The following GAS1 variants were observed in gnomAD, a reference collection of about 807,000 sequenced individuals.
GAS1 encodes the protein growth arrest-specific protein 1.
In GAS1, 10 loss-of-function variants were observed where a neutral mutation model predicts 21.6. The ratio of observed to expected loss-of-function variants is 0.46; its 90% CI spans 0.29 to 0.79. GAS1 has a LOEUF of 0.79. GAS1 is among the 30% of genes least tolerant of loss of function. GAS1 has a pLI of 0.10. For synonymous variants in GAS1, 332 were observed against 264.0 expected (o/e 1.26, Z -2.50); for missense variants, 567 against 544.3 (o/e 1.04, Z -0.42).
In GAS1 at chr9:86,945,918, C is replaced by A; in HGVS notation, c.862G>T (p.Asp288Tyr). 4.5e-6 allele frequency: 7 copies of A among 1,568,110 alleles called. No homozygotes were observed. Among genetic ancestry groups the A allele is most frequent in the Non-Finnish European group, 6.0e-6 (7 of 1,160,198 alleles). ...AGGEQPLDDDDGVPHPPRPGS... is the reference protein window; with the variant it reads ...AGGEQPLDDDYGVPHPPRPGS... ...GGGCGCGGTGGGTGCGGGACGCCGT[C>A]GTCGTCGTCCAGCGGCTGCTCACCA... Residue 288 changes from aspartate to tyrosine, a missense_variant, in exon 1 of 1, where the codon GAC becomes TAC. Coordinates refer to ENST00000298743, the MANE Select transcript of GAS1 (RefSeq NM_002048.3).
In GAS1 at chr9:86,946,583, T is replaced by C; in HGVS notation, c.197A>G (p.Asn66Ser). The C allele has an allele frequency of 2.1e-6, 3 of 1,439,942 alleles. No homozygotes were observed. The South Asian group carries it at 4.0e-5, about 19-fold the overall frequency. The allele number at this position is 1,439,942 out of a possible 1,614,324, so 89.2% of individuals were successfully genotyped here. The change falls in exon 1 of 1, where the codon AAC becomes AGC. Residue 66 changes from asparagine to serine, a missense_variant. Asn to Ser is a conservative substitution (Grantham distance 46, BLOSUM62 1). Coordinates refer to ENST00000298743, the MANE Select transcript of GAS1 (RefSeq NM_002048.3). The surrounding 1 kb of genome is among the most constrained non-coding windows in gnomAD (Gnocchi z 5.2). ...CGGCGCGCACGCCTCGGCGTACTGG[T>C]TGTAGGCGTAGCTGCACTCCGGCTC... is the stretch of plus-strand genomic sequence containing the variant. Reference protein sequence around the residue: ...QGEPECSYAYNQYAEACAPVL... With the variant: ...QGEPECSYAYSQYAEACAPVL...
chr9:86,945,703 C>T lies in GAS1; in HGVS notation c.*39G>A, dbSNP rs1431668147. On this transcript the variant is annotated 3_prime_UTR_variant, in exon 1 of 1. Transcript: ENST00000298743. ...GGTCGAGGCGAGCACGGGAGTGGGA[C>T]GCGGGCTCTCCCGCAGCCAACGGCG... The T allele has an allele frequency of 6.7e-7, 1 of 1,490,820 alleles. No homozygotes were observed. The allele number at this position is 1,490,820 out of a possible 1,614,324, so 92.3% of individuals were successfully genotyped here.
chr9:86,946,530 C>A lies in GAS1; in HGVS notation c.250G>T (p.Ala84Ser). 7.0e-7 allele frequency: 1 copy of A among 1,419,066 alleles called. No homozygotes were observed. Among genetic ancestry groups the A allele is most frequent in the South Asian group, 1.4e-5 (1 of 69,568 alleles). 87.9% of individuals were successfully genotyped at this position (1,419,066 alleles called of 1,614,324 possible). ...PVLAQHGGGD[A>S]PGAAAAAFPA... ...AAAGCGGCGGCGGCGGCCCCGGGCG[C>A]GTCGCCCCCGCCGTGCTGCGCCAGC... The change falls in exon 1 of 1, where the codon GCG becomes TCG. Residue 84 changes from alanine to serine, a missense_variant. Coordinates refer to ENST00000298743, the MANE Select transcript of GAS1 (RefSeq NM_002048.3). The surrounding 1 kb of genome is among the most constrained non-coding windows in gnomAD (Gnocchi z 5.2).
chr9:86,945,505 G>A lies in GAS1; in HGVS notation c.*237C>T. 2.5e-6 allele frequency: 1 copy of A among 399,412 alleles called. No homozygotes were observed. The allele number at this position is 399,412 out of a possible 1,614,324, so 24.7% of individuals were successfully genotyped here. ...ACGAGTTGGGAGTTTCTGGAGCTTG[G>A]AATTGGGGCGGGGGAGGAGGTCCAA... On this transcript the variant is annotated 3_prime_UTR_variant, in exon 1 of 1. Transcript: ENST00000298743.
rs1160763422 is a variant in GAS1 at position 86,947,167 on chromosome 9, C to G, written c.-388G>C. On this transcript the variant is annotated 5_prime_UTR_variant, in exon 1 of 1. Coordinates refer to ENST00000298743, the MANE Select transcript of GAS1 (RefSeq NM_002048.3). ...CGCGCCTGCAGATCCGTTGTGCGGC[C>G]GGCTGTCCCCGTGCCGGCTGCTCGC... 6.4e-6 allele frequency: 1 copy of G among 155,180 alleles called. No homozygotes were observed. The highest frequency in any genetic ancestry group is 2.4e-5 in the African/African-American group (1 of 41,508). The allele number at this position is 155,180 out of a possible 1,614,324, so 9.6% of individuals were successfully genotyped here. A position where few individuals can be genotyped will look rare whatever the true frequency, so the allele number is the denominator to read the frequency against.
chr9:86,945,566 G>A lies in GAS1; in HGVS notation c.*176C>T, dbSNP rs1825469261. 1.9e-6 allele frequency: 1 copy of A among 523,280 alleles called. No homozygotes were observed. The highest frequency in any genetic ancestry group is 3.8e-5 in the South Asian group (1 of 26,152). 32.4% of individuals were successfully genotyped at this position (523,280 alleles called of 1,614,324 possible). On this transcript the variant is annotated 3_prime_UTR_variant, in exon 1 of 1. Coordinates refer to ENST00000298743, the MANE Select transcript of GAS1 (RefSeq NM_002048.3). ...TCCGGAGAGGAGCTTCAGGGGAAGT[G>A]CCCAGAGTCGTGGCCGGGGAACCGG...
chr9:86,947,355 C>T lies in GAS1; in HGVS notation c.-576G>A, dbSNP rs1431504110. On this transcript the variant is annotated 5_prime_UTR_variant, in exon 1 of 1. Coordinates refer to ENST00000298743, the MANE Select transcript of GAS1 (RefSeq NM_002048.3). Reference sequence around the variant, plus strand: ...TCCCCTCCCCCTCCGCCCGCGGCAACCCCGGCCTCCGCAGAGCTCCGGGGA... The same window carrying T: ...TCCCCTCCCCCTCCGCCCGCGGCAATCCCGGCCTCCGCAGAGCTCCGGGGA... 6.6e-6 allele frequency among the ~76,000 whole-genome samples: 1 copy of T among 151,850 alleles called. No individual in the cohort carries two copies. The highest frequency in any genetic ancestry group is 2.0e-4 in the East Asian group (1 of 5,090).
Position 86,946,659 on chromosome 9 carries a change from C to A in GAS1, c.121G>T (p.Ala41Ser). The change falls in exon 1 of 1, where the codon GCG becomes TCG. Residue 41 changes from alanine (A) to serine (S), a missense_variant. Coordinates refer to ENST00000298743, the MANE Select transcript of GAS1 (RefSeq NM_002048.3). The surrounding 1 kb of genome is among the most constrained non-coding windows in gnomAD (Gnocchi z 5.2). ...LGSAPRGSGLAHGRRLICWQA... is the reference protein window; with the variant it reads ...LGSAPRGSGLSHGRRLICWQA... ...CAGCAGATGAGGCGGCGGCCGTGCG[C>A]CAGCCCCGATCCCCGCGGCGCCGAG... is the stretch of plus-strand genomic sequence containing the variant. 2 of 1,439,902 alleles carry A rather than the reference C, an allele frequency of 1.4e-6. No homozygotes were observed. Among genetic ancestry groups the A allele is most frequent in the Non-Finnish European group, 1.8e-6 (2 of 1,097,664 alleles). The allele number at this position is 1,439,902 out of a possible 1,614,324, so 89.2% of individuals were successfully genotyped here.
At position 86,945,475 on chromosome 9, in the gene GAS1, G is replaced by A. The variant is rs979543096; in HGVS notation, c.*267C>T. ...GAACACTGCAGCTAGCTTTCTGGAC[G>A]GCAGACGAGTTGGGAGTTTCTGGAG... On this transcript the variant is annotated 3_prime_UTR_variant, in exon 1 of 1. Transcript: ENST00000298743. 3.4e-5 allele frequency: 12 copies of A among 356,952 alleles called. No individual in the cohort carries two copies. The highest frequency in any genetic ancestry group is 5.5e-5 in the Non-Finnish European group (11 of 200,140). The allele number at this position is 356,952 out of a possible 1,614,324, so 22.1% of individuals were successfully genotyped here.
chr9:86,945,829 G>A lies in GAS1; in HGVS notation c.951C>T (p.Ser317=). 6.6e-7 allele frequency: 1 copy of A among 1,513,206 alleles called. No homozygotes were observed. Among genetic ancestry groups the A allele is most frequent in the Non-Finnish European group, 8.8e-7 (1 of 1,132,574 alleles). The allele number at this position is 1,513,206 out of a possible 1,614,324, so 93.7% of individuals were successfully genotyped here. The change falls in exon 1 of 1, where the codon AGC becomes AGT. Residue 317 remains serine, a synonymous_variant. Transcript: ENST00000298743. ...GDLPYGPGRR[S]SGGGGRLAPR... Reference sequence around the variant, plus strand: ...GCGCCAAGCGGCCGCCGCCGCCGCTGCTCCTGCGCCCAGGCCCATAGGGCA... The same window carrying A: ...GCGCCAAGCGGCCGCCGCCGCCGCTACTCCTGCGCCCAGGCCCATAGGGCA...
In GAS1 at chr9:86,946,909, T is replaced by A; in HGVS notation, c.-130A>T. ...TTGCATGAGTGTCTTCATAAATCCATGCGCGCCGCTGGCTGATGCCCCGCT... is the reference window on the plus strand; with the variant it reads ...TTGCATGAGTGTCTTCATAAATCCAAGCGCGCCGCTGGCTGATGCCCCGCT... On this transcript the variant is annotated 5_prime_UTR_variant, in exon 1 of 1. An upstream start codon of the reference 5' UTR is lost. Transcript: ENST00000298743. The surrounding 1 kb of genome is among the most constrained non-coding windows in gnomAD (Gnocchi z 5.2). 1 of 343,938 alleles carries A rather than the reference T, an allele frequency of 2.9e-6. No individual in the cohort carries two copies. The highest frequency in any genetic ancestry group is 5.5e-6 in the Non-Finnish European group (1 of 183,002). The allele number at this position is 343,938 out of a possible 1,614,324, so 21.3% of individuals were successfully genotyped here. A position where few individuals can be genotyped will look rare whatever the true frequency, so the allele number is the denominator to read the frequency against.
rs1162665159 is a variant in GAS1, at chr9:86,946,797, G to A, written c.-18C>T. On this transcript the variant is annotated 5_prime_UTR_variant, in exon 1 of 1. Coordinates refer to ENST00000298743, the MANE Select transcript of GAS1 (RefSeq NM_002048.3). The surrounding 1 kb of genome is among the most constrained non-coding windows in gnomAD (Gnocchi z 5.2). ...GCCACCATCGCGGGCAGCGGCGGCC[G>A]CCGGGAGAGGAGGGGAAAGGAGACG... 2 of 760,786 alleles carry A rather than the reference G, an allele frequency of 2.6e-6. No homozygotes were observed. The highest frequency in any genetic ancestry group is 3.1e-5 in the South Asian group (1 of 32,634). The allele number at this position is 760,786 out of a possible 1,614,324, so 47.1% of individuals were successfully genotyped here. A position where few individuals can be genotyped will look rare whatever the true frequency, so the allele number is the denominator to read the frequency against.
Position 86,945,967 on chromosome 9 carries a change from G to T in GAS1, c.813C>A (p.Asp271Glu). The change falls in exon 1 of 1, where the codon GAC becomes GAA. Residue 271 changes from aspartate to glutamate, a missense_variant. Asp to Glu is a conservative substitution (Grantham distance 45, BLOSUM62 2). Transcript: ENST00000298743. ...LDDYYDEDYD[D>E]EQRTGGAGGE... ...CACCCGCGCCCCCGGTGCGCTGCTC[G>T]TCATCGTAGTCCTCATCGTAGTAGT... 1.9e-6 allele frequency: 3 copies of T among 1,604,292 alleles called. No homozygotes were observed. The highest frequency in any genetic ancestry group is 1.3e-5 in the African/African-American group (1 of 74,834).
In GAS1 at chr9:86,946,679, G is replaced by A. The variant is rs934239304; in HGVS notation, c.101C>T (p.Ala34Val). 4 of 1,420,358 alleles carry A rather than the reference G, an allele frequency of 2.8e-6. No homozygotes were observed. The highest frequency in any genetic ancestry group is 4.9e-5 in the Admixed American group (2 of 40,598). 88.0% of individuals were successfully genotyped at this position (1,420,358 alleles called of 1,614,324 possible). ...GTGCGCCAGCCCCGATCCCCGCGGC[G>A]CCGAGCCCAGCAGCTGCAGCAGCGC... is the stretch of plus-strand genomic sequence containing the variant. ...LMALLQLLGS[A>V]PRGSGLAHGR... The change falls in exon 1 of 1, where the codon GCG becomes GTG. Residue 34 changes from alanine (A) to valine (V), a missense_variant. Transcript: ENST00000298743. This position sits in a 1 kb window ranked among gnomAD's most constrained non-coding sequence, Gnocchi z 5.2.
chr9:86,945,843 GC>G lies in GAS1; in HGVS notation c.936del (p.Pro313LeufsTer66), dbSNP rs1825477788. 6.7e-7 allele frequency: 1 copy of G among 1,502,068 alleles called. No individual in the cohort carries two copies. Among genetic ancestry groups the G allele is most frequent in the African/African-American group, 1.5e-5 (1 of 68,182 alleles). The allele number at this position is 1,502,068 out of a possible 1,614,324, so 93.0% of individuals were successfully genotyped here. Reference protein sequence around the residue: ...ASGGRGDLPYGPGRRSSGGGG... With the variant: ...ASGGRGDLPYXPGRRSSGGGG... ...CCGCCGCCGCTGCTCCTGCGCCCAG[GC>G]CCATAGGGCAGGTCCCCGCGGCCGC... On this transcript the variant is annotated frameshift_variant, in exon 1 of 1. Coordinates refer to ENST00000298743, the MANE Select transcript of GAS1 (RefSeq NM_002048.3). LOFTEE classifies it high-confidence loss of function.
chr9:86,946,014 C>CGCT lies in GAS1; in HGVS notation c.763_765dup (p.Ser255dup). 6.2e-7 allele frequency: 1 copy of CGCT among 1,608,380 alleles called. No individual in the cohort carries two copies. On this transcript the variant is annotated inframe_insertion, in exon 1 of 1. Coordinates refer to ENST00000298743, the MANE Select transcript of GAS1 (RefSeq NM_002048.3). This position sits in a 1 kb window ranked among gnomAD's most constrained non-coding sequence, Gnocchi z 5.2. ...TAGTCGTCCAGGCCCCCGTCCGAGC[C>CGCT]GCTGCTGCCGGGGCCGTTGCCCAGC...
In GAS1 at chr9:86,945,895, G is replaced by A. The variant is rs1825479260; in HGVS notation, c.885C>T (p.Arg295=). The change falls in exon 1 of 1, where the codon CGC becomes CGT. Residue 295 remains arginine (R), a synonymous_variant. Transcript: ENST00000298743. ...DDDDGVPHPP[R]PGSGAAASGG... ...CCGATGCAGCAGCGCCGCTGCCCGG[G>A]CGCGGTGGGTGCGGGACGCCGTCGT... The A allele has an allele frequency of 3.3e-6, 5 of 1,522,762 alleles. No individual in the cohort carries two copies. Among genetic ancestry groups the A allele is most frequent in the East Asian group, 2.5e-5 (1 of 39,336 alleles). 94.3% of individuals were successfully genotyped at this position (1,522,762 alleles called of 1,614,324 possible).
At position 86,945,704 on chromosome 9, in the gene GAS1, G is replaced by C; in HGVS notation, c.*38C>G. ...GTCGAGGCGAGCACGGGAGTGGGAC[G>C]CGGGCTCTCCCGCAGCCAACGGCGG... On this transcript the variant is annotated 3_prime_UTR_variant, in exon 1 of 1. Transcript: ENST00000298743. The C allele has an allele frequency of 6.6e-7, 1 of 1,513,364 alleles. No homozygotes were observed. The highest frequency in any genetic ancestry group is 8.8e-7 in the Non-Finnish European group (1 of 1,130,046). 93.7% of individuals were successfully genotyped at this position (1,513,364 alleles called of 1,614,324 possible).
In GAS1 at chr9:86,946,922, CTG is replaced by C. The variant is rs533337681; in HGVS notation, c.-145_-144del. The C allele has an allele frequency of 1.4e-3, 478 of 343,334 alleles. 3 individuals are homozygous for C. Among genetic ancestry groups the C allele is most frequent in the African/African-American group, 9.9e-3 (453 of 45,924 alleles). 21.3% of individuals were successfully genotyped at this position (343,334 alleles called of 1,614,324 possible). A position where few individuals can be genotyped will look rare whatever the true frequency, so the allele number is the denominator to read the frequency against. On this transcript the variant is annotated 5_prime_UTR_variant, in exon 1 of 1. The change creates a new upstream start codon in the 5' untranslated region. Transcript: ENST00000298743. This position sits in a 1 kb window ranked among gnomAD's most constrained non-coding sequence, Gnocchi z 5.2. ...TTCATAAATCCATGCGCGCCGCTGG[CTG>C]ATGCCCCGCTGGTGGCAGAAGGTCC...
Sources: allele counts gnomAD v4.1 joint callset (sites outside exome capture counted in the v4.1 genomes callset), GRCh38; gene constraint gnomAD v4.1.1; non-coding constraint Gnocchi (gnomAD v3.1); transcripts MANE v1.5; gene names NCBI Gene and HGNC (gene_info 2026-07-23, HGNC 2026-07-21).